Variants in CLEC5A observed in about 807,000 individuals in gnomAD.
CLEC5A encodes the protein C-type lectin domain family 5 member A.
CLEC5A carries 15 observed loss-of-function variants against 24.4 expected under a neutral mutation model. The observed-to-expected ratio is 0.62, with a 90% confidence interval of 0.41 to 0.95. CLEC5A has a LOEUF of 0.95. Ranked by LOEUF, CLEC5A falls within the 40% of genes least tolerant of loss-of-function variation. CLEC5A has a pLI of 0.00. For missense variants in CLEC5A, 211 were observed against 224.0 expected (o/e 0.94, Z 0.37); for synonymous variants, 71 against 72.6 (o/e 0.98, Z 0.11).
intron 5 of CLEC5A, among the ~76,000 whole-genome samples, chr7:141,935,471 T>C (rs1322367745): frequency 6.6e-6 from 1 of 152,240 alleles, no homozygotes; most frequent in Non-Finnish European, 1.5e-5. Context: ...GGTATTCTTT[T>C]TGTTGTTAAA....
chr7:141,930,333 T>G, intron 6 of CLEC5A, 115 bp from the exon 7 acceptor site: 1 of 773,862 alleles, frequency 1.3e-6, no homozygotes, highest in Admixed American at 2.4e-5. Flanking sequence ...TTGCAGGAGT[T>G]TTGCCTGGAA....
rs1802364517 is a variant in CLEC5A at position 141,928,597 on chromosome 7, C to A, written c.*1507G>T. The stretch of plus-strand genomic sequence containing the variant: ...ATTACTTCTGGTAATTCCCTTCAAG[C>A]AAGTTCTGACACCTGATGTGTTATC... On this transcript the variant is annotated 3_prime_UTR_variant, in exon 7 of 7. Transcript: ENST00000546910. 1 of 152,176 alleles carries A rather than the reference C, an allele frequency of 6.6e-6. No individual in the cohort carries two copies. The highest frequency in any genetic ancestry group is 2.4e-5 in the African/African-American group (1 of 41,448). The allele number at this position is 152,176 out of a possible 1,614,324, so 9.4% of individuals were successfully genotyped here.
rs1454494961 is a variant in CLEC5A at position 141,929,171 on chromosome 7, C to T, written c.*933G>A. Reference sequence around the variant, plus strand: ...GGACCAGTTCTAGATCAATGTGATGCCAATCAGTGCCAGGCTCCTTGGGGT... The same window carrying T: ...GGACCAGTTCTAGATCAATGTGATGTCAATCAGTGCCAGGCTCCTTGGGGT... On this transcript the variant is annotated 3_prime_UTR_variant, in exon 7 of 7. Coordinates refer to ENST00000546910, the MANE Select transcript of CLEC5A (RefSeq NM_013252.3). 6.6e-6 allele frequency: 1 copy of T among 152,218 alleles called. No individual in the cohort carries two copies. The highest frequency in any genetic ancestry group is 2.4e-5 in the African/African-American group (1 of 41,420). The allele number at this position is 152,218 out of a possible 1,614,324, so 9.4% of individuals were successfully genotyped here.
chr7:141,939,268 AAGT>A (rs1340590384), intron 4 of CLEC5A, among the ~76,000 whole-genome samples: 1 of 152,150 alleles, frequency 6.6e-6, no homozygotes, highest in Non-Finnish European at 1.5e-5. Flanking sequence ...AAAAGTTAAA[AAGT>A]GGGAGACAAA....
At chr7:141,946,476 CAG>C (rs1465958024) in intron 1 of CLEC5A, among the ~76,000 whole-genome samples, 164 bp from the exon 2 acceptor site, 2 of 152,168 alleles carry the variant, frequency 1.3e-5, no homozygotes, top group African/African-American at 2.4e-5. Context: ...GCCGCGAACA[CAG>C]AAAGAATCAT....
At position 141,931,821 on chromosome 7, in the gene CLEC5A, A is replaced by T; in HGVS notation, c.351T>A (p.Phe117Leu). The stretch of plus-strand genomic sequence containing the variant: ...TCTCAGCATCAGTTATGTCCTGAAG[A>T]AACTTCTGGAAATAAAAAAAAAATT... ...AIVNTPEKLK[F>L]LQDITDAEKY... Residue 117 changes from phenylalanine (F) to leucine (L), a missense_variant, in exon 6 of 7, where the codon TTT (phenylalanine) becomes TTA (leucine). Physicochemically the swap from Phe to Leu is conservative, Grantham distance 22 (BLOSUM62 0). Coordinates refer to ENST00000546910, the MANE Select transcript of CLEC5A (RefSeq NM_013252.3). 1 of 1,525,482 alleles carries T rather than the reference A, an allele frequency of 6.6e-7. No homozygotes were observed. The highest frequency in any genetic ancestry group is 8.9e-7 in the Non-Finnish European group (1 of 1,118,160). The allele number at this position is 1,525,482 out of a possible 1,614,324, so 94.5% of individuals were successfully genotyped here. A position where few individuals can be genotyped will look rare whatever the true frequency, so the allele number is the denominator to read the frequency against.
At chr7:141,943,361 G>C (rs1203547689) in intron 4 of CLEC5A, among the ~76,000 whole-genome samples, 2 of 152,092 alleles carry the variant, frequency 1.3e-5, no homozygotes, top group Non-Finnish European at 2.9e-5. Context: ...ACTTGCAGGA[G>C]CTAAAATTTG....
Position 141,943,926 on chromosome 7 carries a change from C to T in CLEC5A, c.178G>A (p.Gly60Ser), listed in dbSNP as rs368988265. ...IFGSSSPSPN[G>S]FITTRSYGTV... is the part of the protein sequence containing the mutation. ...CCATAGCTCCTTGTGGTAATGAAGC[C>T]GTTGGGACTTGGGGAACTGCTCCCA... Residue 60 changes from glycine to serine, a missense_variant, in exon 4 of 7, where the codon GGC becomes AGC. Gly to Ser is a moderately conservative substitution (Grantham distance 56, BLOSUM62 0). Transcript: ENST00000546910. The T allele has an allele frequency of 5.6e-6, 9 of 1,611,312 alleles. No individual in the cohort carries two copies. Among genetic ancestry groups the T allele is most frequent in the East Asian group, 2.2e-5 (1 of 44,820 alleles).
chr7:141,933,426 A>G (rs1456712940), intron 5 of CLEC5A, among the ~76,000 whole-genome samples: 2 of 151,448 alleles, frequency 1.3e-5, no homozygotes, highest in Non-Finnish European at 2.9e-5. Flanking sequence ...GGTGGCAGGG[A>G]GGTGGTTTGA....
intron 4 of CLEC5A, among the ~76,000 whole-genome samples, chr7:141,941,332 G>A (rs60427251): frequency 0.035 from 5,348 of 152,130 alleles, 321 homozygotes; most frequent in African/African-American, 0.12. Flanking sequence ...AAAACCATAC[G>A]ATCATTTCAA....
chr7:141,932,112 ACTGATGTTT>A (rs1197460226), intron 5 of CLEC5A, among the ~76,000 whole-genome samples: 1 of 152,200 alleles, frequency 6.6e-6, no homozygotes, highest in Admixed American at 6.5e-5. Flanking sequence ...CCCAGGTGAT[ACTGATGTTT>A]CTGTCCAGGG....
In CLEC5A at chr7:141,928,615, G is replaced by A. The variant is rs781938415; in HGVS notation, c.*1489C>T. On this transcript the variant is annotated 3_prime_UTR_variant, in exon 7 of 7. Transcript: ENST00000546910. ...CTTCAAGCAAGTTCTGACACCTGATGTGTTATCTCATGTTAAAAAATTGTA... is the reference window on the plus strand; with the variant it reads ...CTTCAAGCAAGTTCTGACACCTGATATGTTATCTCATGTTAAAAAATTGTA... 1 of 152,170 alleles carries A rather than the reference G, an allele frequency of 6.6e-6. No individual in the cohort carries two copies. Among genetic ancestry groups the A allele is most frequent in the Non-Finnish European group, 1.5e-5 (1 of 68,024 alleles). The allele number at this position is 152,170 out of a possible 1,614,324, so 9.4% of individuals were successfully genotyped here.
chr7:141,931,269 T>A (rs1332044825), intron 6 of CLEC5A, among the ~76,000 whole-genome samples: 1 of 152,188 alleles, frequency 6.6e-6, no homozygotes, highest in African/African-American at 2.4e-5. Context: ...AGATCTCATC[T>A]CTATACCAAC....
intron 4 of CLEC5A, among the ~76,000 whole-genome samples, chr7:141,943,578 T>C (rs2128962538): frequency 6.6e-6 from 1 of 152,180 alleles, no homozygotes; most frequent in East Asian, 1.9e-4. Flanking sequence ...TAACTAACAG[T>C]ATAATTGGAT....
intron 4 of CLEC5A, among the ~76,000 whole-genome samples, chr7:141,938,470 G>A (rs1554441336): frequency 1.3e-5 from 2 of 152,176 alleles, no homozygotes; most frequent in East Asian, 3.9e-4. Flanking sequence ...AAACAATGAA[G>A]CACACTTGTA....
rs73525917 is a variant in CLEC5A, at chr7:141,929,699, C to T, written c.*405G>A. ...AATGGGGTTCCCTTGAGAACAGAGA[C>T]GAAGTCACAGGACCTATGTTTATCC... On this transcript the variant is annotated 3_prime_UTR_variant, in exon 7 of 7. Coordinates refer to ENST00000546910, the MANE Select transcript of CLEC5A (RefSeq NM_013252.3). 0.022 allele frequency: 3,430 copies of T among 155,136 alleles called. 134 individuals are homozygous for T. Among genetic ancestry groups the T allele is most frequent in the African/African-American group, 0.078 (3,255 of 41,566 alleles). 9.6% of individuals were successfully genotyped at this position (155,136 alleles called of 1,614,324 possible).
rs1205528759 is a variant in CLEC5A, at chr7:141,927,765, A to C, written c.*2339T>G. 6.6e-6 allele frequency: 1 copy of C among 152,226 alleles called. No homozygotes were observed. Among genetic ancestry groups the C allele is most frequent in the Non-Finnish European group, 1.5e-5 (1 of 68,040 alleles). The allele number at this position is 152,226 out of a possible 1,614,324, so 9.4% of individuals were successfully genotyped here. ...ATTATAAATGAGTAAACAAGTTCTG[A>C]AAAATGAAGTGGCTTGCCTACATTA... On this transcript the variant is annotated 3_prime_UTR_variant, in exon 7 of 7. Coordinates refer to ENST00000546910, the MANE Select transcript of CLEC5A (RefSeq NM_013252.3).
chr7:141,936,341 C>T (rs1207923113), intron 4 of CLEC5A: 2 of 268,402 alleles, frequency 7.5e-6, no homozygotes, highest in Non-Finnish European at 7.1e-6. Flanking sequence ...ACCACCCCCA[C>T]CCTATCCCTG....
chr7:141,935,587 A>G (rs997243170), intron 5 of CLEC5A, among the ~76,000 whole-genome samples: 1 of 152,208 alleles, frequency 6.6e-6, no homozygotes, highest in Non-Finnish European at 1.5e-5. Context: ...AAAGACCACA[A>G]GGTGCGAATT....
Sources: allele counts gnomAD v4.1 joint callset (sites outside exome capture counted in the v4.1 genomes callset), GRCh38; gene constraint gnomAD v4.1.1; transcripts MANE v1.5; gene names NCBI Gene and HGNC (gene_info 2026-07-23, HGNC 2026-07-21).